Variants in PPP3CC observed in about 807,000 individuals in gnomAD.
PPP3CC encodes protein phosphatase 3 catalytic subunit gamma, also known as serine/threonine-protein phosphatase 2B catalytic subunit gamma isoform.
In PPP3CC, 35 loss-of-function variants were observed where a neutral mutation model predicts 60.3. The ratio of observed to expected loss-of-function variants is 0.58; its 90% CI spans 0.44 to 0.77. The LOEUF (loss-of-function observed/expected upper bound fraction) is 0.77, where lower values mean the gene tolerates loss of function less well. Ranked by LOEUF, PPP3CC falls within the 30% of genes least tolerant of loss-of-function variation. The pLI, the probability that PPP3CC is intolerant of heterozygous loss-of-function variation, is 0.00. For missense variants in PPP3CC, 570 were observed against 628.9 expected (o/e 0.91, Z 1.00); for synonymous variants, 206 against 224.3 (o/e 0.92, Z 0.73).
intron 3 of PPP3CC, among the ~76,000 whole-genome samples, chr8:22,483,582 A>G (rs547784735): frequency 6.6e-6 from 1 of 152,290 alleles, no homozygotes; most frequent in East Asian, 1.9e-4. Flanking sequence ...CACTGCGCCC[A>G]GTCCCATATG....
chr8:22,493,027 A>G, intron 3 of PPP3CC: 1 of 1,328,820 alleles, frequency 7.5e-7, no homozygotes, highest in Non-Finnish European at 1.1e-6. Context: ...GGAGAGGATG[A>G]CGATGAAGTT....
At chr8:22,489,090 A>G (rs1334091949) in intron 3 of PPP3CC, among the ~76,000 whole-genome samples, 1 of 152,022 alleles carries the variant, frequency 6.6e-6, no homozygotes, top group Middle Eastern at 3.2e-3. Context: ...GTTTTAAAAC[A>G]ATTACTTTGG....
intron 1 of PPP3CC, among the ~76,000 whole-genome samples, chr8:22,470,816 G>A (rs1478711893): frequency 6.6e-6 from 1 of 152,192 alleles, no homozygotes; most frequent in African/African-American, 2.4e-5. Flanking sequence ...GATGGTGTGA[G>A]GGTAAATGGT....
intron 4 of PPP3CC, among the ~76,000 whole-genome samples, chr8:22,498,679 A>G (rs1838665055): frequency 6.6e-6 from 1 of 152,178 alleles, no homozygotes; most frequent in Admixed American, 6.5e-5. Context: ...TTTTGACAAC[A>G]TGGTTTGTAA....
chr8:22,522,008 G>A (rs558656851), intron 6 of PPP3CC, among the ~76,000 whole-genome samples: 23 of 150,032 alleles, frequency 1.5e-4, no homozygotes, highest in Middle Eastern at 3.4e-3. Context: ...ATGTATATAT[G>A]TATTCCTGCA....
Position 22,520,219 on chromosome 8 carries a change from A to T in PPP3CC, c.771-2272A>T, listed in dbSNP as rs1839369126. Among the ~76,000 whole-genome samples, 3 of 151,992 alleles carry T rather than the reference A, an allele frequency of 2.0e-5. No individual in the cohort carries two copies. The South Asian group carries it at 6.2e-4, about 32-fold the overall frequency. ...TAGTCTTATAGAAGCTTCCTTGTATATTATATGACAAGTAGGTTTTCTCTT... is the reference window on the plus strand; with the variant it reads ...TAGTCTTATAGAAGCTTCCTTGTATTTTATATGACAAGTAGGTTTTCTCTT... On this transcript the variant is annotated intron_variant, in intron 6 of 13. Transcript: ENST00000240139.
At chr8:22,490,398 C>G (rs1179636731) in intron 3 of PPP3CC, among the ~76,000 whole-genome samples, 2 of 152,260 alleles carry the variant, frequency 1.3e-5, no homozygotes, top group South Asian at 4.1e-4. Context: ...TTGAGAACCA[C>G]TGTTGTAGTG....
chr8:22,479,045 A>G (rs1269238477), intron 3 of PPP3CC, among the ~76,000 whole-genome samples: 1 of 152,202 alleles, frequency 6.6e-6, no homozygotes, highest in Non-Finnish European at 1.5e-5. Context: ...TATTCATTGG[A>G]AGTCACTTAT....
intron 3 of PPP3CC, among the ~76,000 whole-genome samples, chr8:22,483,176 G>A (rs1477194302): frequency 6.6e-6 from 1 of 152,168 alleles, no homozygotes; most frequent in Non-Finnish European, 1.5e-5. Flanking sequence ...GAAAAGCCCT[G>A]TTCTACAATA....
Position 22,511,240 on chromosome 8 carries a change from T to G in PPP3CC, c.630+9T>G. ...TAGATGACATTAGGAAAGTAAGTAA[T>G]CTTTTATTATTCTCACAGGGAATAT... is the stretch of plus-strand genomic sequence containing the variant. On this transcript the variant is annotated intron_variant, in intron 5 of 13. Transcript: ENST00000240139. The G allele has an allele frequency of 6.2e-7, 1 of 1,605,366 alleles. No homozygotes were observed. Among genetic ancestry groups the G allele is most frequent in the South Asian group, 1.1e-5 (1 of 90,600 alleles).
At chr8:22,444,711 G>A (rs890546121) in intron 1 of PPP3CC, among the ~76,000 whole-genome samples, 3 of 152,196 alleles carry the variant, frequency 2.0e-5, no homozygotes, top group Non-Finnish European at 4.4e-5. Flanking sequence ...CTAGTAGGTT[G>A]CTCATTCATT....
chr8:22,530,051 C>G (rs995569433), intron 10 of PPP3CC, among the ~76,000 whole-genome samples: 1 of 152,146 alleles, frequency 6.6e-6, no homozygotes, highest in Non-Finnish European at 1.5e-5. Context: ...GAAAACACAA[C>G]TCCCTTTGGG....
At chr8:22,497,948 T>G (rs1405290365) in intron 3 of PPP3CC, 53 bp from the exon 4 acceptor site, 15 of 1,143,700 alleles carry the variant, frequency 1.3e-5, no homozygotes, top group Non-Finnish European at 1.8e-5. Flanking sequence ...TAAATTGTGT[T>G]TATGCATTAT....
chr8:22,536,245 T>A (rs2117158213), intron 12 of PPP3CC, among the ~76,000 whole-genome samples: 1 of 152,360 alleles, frequency 6.6e-6, no homozygotes, highest in South Asian at 2.1e-4. Flanking sequence ...GAGCAGAATA[T>A]GTTCCCACCA....
At chr8:22,450,799 T>TTTTATTTATTTA (rs199665510) in intron 1 of PPP3CC, among the ~76,000 whole-genome samples, 54 of 133,288 alleles carry the variant, frequency 4.1e-4, no homozygotes, top group Admixed American at 6.9e-4. Context: ...CCTACTTTAT[T>TTTTATTTATTTA]TTTATTTATT....
chr8:22,465,037 A>C (rs1050627816), intron 1 of PPP3CC, among the ~76,000 whole-genome samples: 5 of 146,770 alleles, frequency 3.4e-5, no homozygotes, highest in Non-Finnish European at 7.4e-5. Flanking sequence ...GGCTCACTGC[A>C]GCCTCGACTT....
intron 1 of PPP3CC, among the ~76,000 whole-genome samples, chr8:22,461,621 C>T (rs1837363916): frequency 6.6e-6 from 1 of 152,000 alleles, no homozygotes; most frequent in Non-Finnish European, 1.5e-5. Flanking sequence ...CAAAGACCAC[C>T]AAGAAAACAT....
chr8:22,539,000 GTAAT>G (rs1198855553), intron 12 of PPP3CC, among the ~76,000 whole-genome samples: 1 of 151,856 alleles, frequency 6.6e-6, no homozygotes, highest in Non-Finnish European at 1.5e-5. Flanking sequence ...TTTAAATGAA[GTAAT>G]TAATAGGGCA....
At chr8:22,465,816 A>G (rs1837503216) in intron 1 of PPP3CC, among the ~76,000 whole-genome samples, 1 of 151,460 alleles carries the variant, frequency 6.6e-6, no homozygotes, top group South Asian at 2.1e-4. Context: ...ATATTATTGT[A>G]GCCATTTTTT....
Sources: gnomAD v4.1 joint callset for allele counts (sites outside exome capture counted in the v4.1 genomes callset) on GRCh38, gnomAD v4.1.1 for gene constraint, MANE v1.5 for transcripts, NCBI Gene and HGNC (gene_info 2026-07-23, HGNC 2026-07-21) for gene names.